The following CELF2 variants were observed in gnomAD, a reference collection of about 807,000 sequenced individuals.
CELF2 encodes the protein CUG triplet repeat RNA-binding protein 2.
Under a neutral mutation model 62.6 loss-of-function variants are expected in CELF2, and 8 were observed. The ratio of observed to expected loss-of-function variants is 0.13; its 90% CI spans 0.07 to 0.23. The LOEUF (loss-of-function observed/expected upper bound fraction) is 0.23. CELF2 is among the 10% of genes least tolerant of loss of function. The pLI is 1.00. For synonymous variants in CELF2, 258 were observed against 250.0 expected, an observed-to-expected ratio of 1.03 and a Z score of -0.30; for missense variants, 333 against 671.0, an observed-to-expected ratio of 0.50 and a Z score of 5.56.
At chr10:10,981,817 A>G (rs982816056) in intron 2 of CELF2, among the ~76,000 whole-genome samples, 9 of 152,230 alleles carry the variant, frequency 5.9e-5, no homozygotes, top group African/African-American at 1.9e-4. Flanking sequence ...GTAAAATAAT[A>G]TAGTTCTCAT....
chr10:10,773,087 A>G, the CELF2 span, among the ~76,000 whole-genome samples: 2 of 152,248 alleles, frequency 1.3e-5, no homozygotes, highest in Non-Finnish European at 2.9e-5. Context: ...TTCTGCAGTG[A>G]ACAGCATCTG....
chr10:10,660,202 G>A, the CELF2 span, among the ~76,000 whole-genome samples: 1 of 152,204 alleles, frequency 6.6e-6, no homozygotes, highest in Non-Finnish European at 1.5e-5. Flanking sequence ...GGATGATCAT[G>A]ACTTAAATAT....
At chr10:10,770,123 G>C in the CELF2 span, among the ~76,000 whole-genome samples, 1 of 152,050 alleles carries the variant, frequency 6.6e-6, no homozygotes, top group Non-Finnish European at 1.5e-5. Context: ...TCTGATGAGA[G>C]CTTCTAGATG....
intron 1 of CELF2, among the ~76,000 whole-genome samples, chr10:10,836,621 A>G (rs560875051): frequency 4.6e-5 from 7 of 152,322 alleles, no homozygotes; most frequent in African/African-American, 1.4e-4. Flanking sequence ...TGCCTGTCAC[A>G]TAAAATCTAG....
At chr10:11,031,796 C>G (rs1564446290) in intron 1 of CELF2, among the ~76,000 whole-genome samples, 7 of 152,182 alleles carry the variant, frequency 4.6e-5, no homozygotes, top group Admixed American at 3.9e-4. Context: ...AGAAATCAGA[C>G]TGTAAGGCCC....
chr10:10,463,300 T>A, the CELF2 span, among the ~76,000 whole-genome samples: 1 of 152,220 alleles, frequency 6.6e-6, no homozygotes, highest in Non-Finnish European at 1.5e-5. Context: ...CTGCTGAGAA[T>A]GTGCTTGCCT....
the CELF2 span, among the ~76,000 whole-genome samples, chr10:10,679,732 C>T: frequency 6.6e-6 from 1 of 152,170 alleles, no homozygotes; most frequent in Non-Finnish European, 1.5e-5. Flanking sequence ...AAAACTGTTA[C>T]TTATATTACT....
chr10:11,005,332 T>C lies in CELF2; in HGVS notation c.-56T>C, dbSNP rs1407739219. On this transcript the variant is annotated 5_prime_UTR_variant, in exon 1 of 13. Transcript: ENST00000416382. The surrounding 1 kb of genome is among the most constrained non-coding windows in gnomAD (Gnocchi z 4.3). Reference sequence around the variant, plus strand: ...GCGTTAGTGAGCAGCGACTGTGGCATTGATGTTTGAGCATACTTCTGAACT... The same window carrying C: ...GCGTTAGTGAGCAGCGACTGTGGCACTGATGTTTGAGCATACTTCTGAACT... 1.9e-6 allele frequency: 3 copies of C among 1,604,596 alleles called. No homozygotes were observed. The highest frequency in any genetic ancestry group is 1.1e-5 in the South Asian group (1 of 90,524).
the CELF2 span, among the ~76,000 whole-genome samples, chr10:10,788,812 G>GT: frequency 6.6e-5 from 10 of 152,098 alleles, no homozygotes; most frequent in African/African-American, 2.4e-4. Context: ...AATGTTGGAA[G>GT]TCAAAAACTG....
At chr10:10,658,591 T>C in the CELF2 span, among the ~76,000 whole-genome samples, 1 of 152,198 alleles carries the variant, frequency 6.6e-6, no homozygotes, top group Non-Finnish European at 1.5e-5. Flanking sequence ...TTTATAAATG[T>C]GTTTTATCAT....
chr10:10,576,648 G>T, the CELF2 span, among the ~76,000 whole-genome samples: 1 of 151,976 alleles, frequency 6.6e-6, no homozygotes, highest in Non-Finnish European at 1.5e-5. Flanking sequence ...TCAAATATCC[G>T]TTAACCATCT....
intron 1 of CELF2, among the ~76,000 whole-genome samples, chr10:11,093,741 C>T (rs191561484): frequency 2.2e-4 from 34 of 152,252 alleles, no homozygotes; most frequent in Admixed American, 2.6e-4. Context: ...CAGTCAATTC[C>T]GTTAACATGG....
chr10:11,179,137 C>T (rs755871082), intron 2 of CELF2, among the ~76,000 whole-genome samples: 7 of 152,314 alleles, frequency 4.6e-5, no homozygotes, highest in Non-Finnish European at 1.0e-4. Flanking sequence ...AATGCTTTCG[C>T]TTCTTTTACC....
At chr10:10,474,061 A>G in the CELF2 span, among the ~76,000 whole-genome samples, 1 of 152,076 alleles carries the variant, frequency 6.6e-6, no homozygotes, top group Admixed American at 6.6e-5. Context: ...TCAGAAAGGT[A>G]ACAATTAAAT....
intron 2 of CELF2, among the ~76,000 whole-genome samples, chr10:11,168,044 G>A (rs1193208210): frequency 6.6e-6 from 1 of 152,192 alleles, no homozygotes; most frequent in Non-Finnish European, 1.5e-5. Flanking sequence ...CAGGGCCTGG[G>A]TCAGGGGCAG....
In CELF2 at chr10:11,321,328, C is replaced by T; in HGVS notation, c.1236C>T (p.Pro412=). 2 of 1,612,268 alleles carry T rather than the reference C, an allele frequency of 1.2e-6. No individual in the cohort carries two copies. Among genetic ancestry groups the T allele is most frequent in the Non-Finnish European group, 1.7e-6 (2 of 1,180,016 alleles). Residue 412 remains proline (P), a synonymous_variant, in exon 11 of 13, where the codon CCC becomes CCT. Transcript: ENST00000633077. The surrounding 1 kb of genome is among the most constrained non-coding windows in gnomAD (Gnocchi z 6.2). ...GIQQYAAAAL[P]TLYSQSLLQQ... is the part of the protein sequence containing the mutation. ...AACAGTACGCAGCCGCCGCGCTGCC[C>T]ACTCTGTACAGCCAGAGCCTGCTGC...
chr10:11,103,413 A>G (rs2052395764), intron 1 of CELF2, among the ~76,000 whole-genome samples: 1 of 151,314 alleles, frequency 6.6e-6, no homozygotes, highest in Admixed American at 6.6e-5. Context: ...ACATTTTACA[A>G]GAGGCTGCAT....
At position 11,280,835 on chromosome 10, in the gene CELF2, G is replaced by C. The variant is rs1176506716; in HGVS notation, c.841+5715G>C. Among the ~76,000 whole-genome samples, 2 of 152,130 alleles carry C rather than the reference G, an allele frequency of 1.3e-5. No homozygotes were observed. The highest frequency in any genetic ancestry group is 4.8e-5 in the African/African-American group (2 of 41,424). On this transcript the variant is annotated intron_variant, in intron 8 of 12. Transcript: ENST00000633077. This position sits in a 1 kb window ranked among gnomAD's most constrained non-coding sequence, Gnocchi z 7.6. Reference sequence around the variant, plus strand: ...TGCCCAAGAGGCAGGGGAGGTCCTAGGGCTCTGAAGGGCTGCTCTCTAGGG... The same window carrying C: ...TGCCCAAGAGGCAGGGGAGGTCCTACGGCTCTGAAGGGCTGCTCTCTAGGG...
intron 1 of CELF2, among the ~76,000 whole-genome samples, chr10:11,073,627 T>G (rs1418158041): frequency 6.6e-6 from 1 of 152,218 alleles, no homozygotes; most frequent in African/African-American, 2.4e-5. Flanking sequence ...GGAATGGTTT[T>G]TATATTTCAC....
Sources: gnomAD v4.1 joint callset for allele counts (sites outside exome capture counted in the v4.1 genomes callset) on GRCh38, gnomAD v4.1.1 for gene constraint, Gnocchi (gnomAD v3.1) non-coding constraint, MANE v1.5 for transcripts, NCBI Gene and HGNC (gene_info 2026-07-23, HGNC 2026-07-21) for gene names.